The following PDIA4 variants were observed in gnomAD, a reference collection of about 807,000 sequenced individuals.
PDIA4 encodes protein disulfide isomerase family A member 4, also known as protein disulfide-isomerase A4.
Under a neutral mutation model 62.1 loss-of-function variants are expected in PDIA4, and 33 were observed. The observed-to-expected ratio is 0.53, with a 90% CI of 0.40 to 0.71. The LOEUF is 0.71. PDIA4 is among the 30% of genes least tolerant of loss of function. The probability of loss-of-function intolerance (pLI) is 0.00; values close to 1 mark genes in which losing one functional copy is unlikely to be tolerated. For missense variants in PDIA4, 804 were observed against 813.6 expected (o/e 0.99, Z 0.14); for synonymous variants, 341 against 324.1 (o/e 1.05, Z -0.56).
chr7:149,012,571 TG>T (rs1823986019), intron 4 of PDIA4, among the ~76,000 whole-genome samples: 1 of 151,992 alleles, frequency 6.6e-6, no homozygotes, highest in South Asian at 2.1e-4. Context: ...ATTCACACAC[TG>T]GGGGTGGAGC....
At chr7:149,013,870 G>C (rs922949213) in intron 4 of PDIA4, among the ~76,000 whole-genome samples, 1 of 152,072 alleles carries the variant, frequency 6.6e-6, no homozygotes, top group Non-Finnish European at 1.5e-5. Flanking sequence ...GCTCCTGAGC[G>C]AGCCACAAAG....
intron 6 of PDIA4, among the ~76,000 whole-genome samples, chr7:149,010,906 C>T (rs1410927338): frequency 1.3e-5 from 2 of 152,226 alleles, no homozygotes; most frequent in African/African-American, 4.8e-5. Context: ...TGCAGTCAGA[C>T]TTGGGGCTAC....
chr7:149,021,072 T>A lies in PDIA4; in HGVS notation c.164A>T (p.Asp55Val). Reference protein sequence around the residue: ...EEEDDDEEEDDLEVKEENGVL... With the variant: ...EEEDDDEEEDVLEVKEENGVL... Reference sequence around the variant, plus strand: ...TCCATTTTCTTCCTTAACTTCCAAGTCGTCTTCTTCCTCATCATCATCTTC... The same window carrying A: ...TCCATTTTCTTCCTTAACTTCCAAGACGTCTTCTTCCTCATCATCATCTTC... The change falls in exon 2 of 10, where the codon GAC becomes GTC. Residue 55 changes from aspartate to valine, a missense_variant. Physicochemically the swap from Asp to Val is radical, Grantham distance 152. Transcript: ENST00000652332. 1 of 1,613,838 alleles carries A rather than the reference T, an allele frequency of 6.2e-7. No individual in the cohort carries two copies. The highest frequency in any genetic ancestry group is 2.2e-5 in the East Asian group (1 of 44,882).
chr7:149,008,129 A>C (rs2306172), intron 7 of PDIA4, 30 bp downstream of exon 7: 6 of 1,606,382 alleles, frequency 3.7e-6, no homozygotes, highest in Non-Finnish European at 5.1e-6. Flanking sequence ...CGGGGTGTCC[A>C]GGGCTGGCAT....
intron 1 of PDIA4, among the ~76,000 whole-genome samples, chr7:149,022,745 C>T (rs1360981889): frequency 6.6e-6 from 1 of 152,146 alleles, no homozygotes; most frequent in East Asian, 1.9e-4. Context: ...CCTGCACCCA[C>T]CCCACATGGC....
intron 4 of PDIA4, among the ~76,000 whole-genome samples, chr7:149,012,867 C>T (rs774605568): frequency 3.9e-5 from 6 of 152,160 alleles, no homozygotes; most frequent in Non-Finnish European, 5.9e-5. Context: ...AACAGAAGAG[C>T]GTCACAAACC....
intron 6 of PDIA4, among the ~76,000 whole-genome samples, chr7:149,009,115 G>GA (rs1462670031): frequency 6.6e-6 from 1 of 152,112 alleles, no homozygotes; most frequent in Admixed American, 6.5e-5. Context: ...AATTTTAGTA[G>GA]AGACAGGGTT....
intron 1 of PDIA4, 135 bp downstream of exon 1, chr7:149,028,186 C>T: frequency 3.1e-6 from 2 of 640,190 alleles, no homozygotes; most frequent in Non-Finnish European, 5.3e-6. Flanking sequence ...AAGTTTACCC[C>T]GGGCTCGGCG....
At chr7:149,016,774 G>A (rs1016405576) in intron 3 of PDIA4, among the ~76,000 whole-genome samples, 10 of 152,328 alleles carry the variant, frequency 6.6e-5, no homozygotes, top group Admixed American at 4.6e-4. Context: ...GCCTCCCAAA[G>A]TGCTGGGATT....
At position 149,019,550 on chromosome 7, in the gene PDIA4, T is replaced by C. The variant is rs113651200; in HGVS notation, c.270-353A>G. 4.1e-3 allele frequency among the ~76,000 whole-genome samples: 622 copies of C among 152,288 alleles called. 2 individuals are homozygous for C. Among genetic ancestry groups the C allele is most frequent in the Non-Finnish European group, 7.2e-3 (488 of 68,022 alleles). The stretch of plus-strand genomic sequence containing the variant: ...GCCTGGGCAGTATGGCGAAACTCCA[T>C]CTTTACAAAAAATACTTTGGGAGGC... On this transcript the variant is annotated intron_variant, in intron 2 of 9. Transcript: ENST00000652332.
intron 1 of PDIA4, among the ~76,000 whole-genome samples, chr7:149,023,728 A>C (rs572680726): frequency 4.5e-4 from 69 of 152,330 alleles, no homozygotes; most frequent in African/African-American, 1.7e-3. Context: ...GGTGCACAGC[A>C]TAAGACTGAC....
chr7:149,027,986 C>G (rs1335559461), intron 1 of PDIA4: 1 of 535,852 alleles, frequency 1.9e-6, no homozygotes, highest in Non-Finnish European at 3.7e-6. Context: ...CTGGACCTGA[C>G]GAAAATCTGT....
chr7:149,019,252 A>C, intron 2 of PDIA4, 55 bp from the exon 3 acceptor site: 1 of 1,238,232 alleles, frequency 8.1e-7, no homozygotes, highest in South Asian at 1.2e-5. Context: ...TGGGATTTAA[A>C]TCCAACAATA....
chr7:149,005,092 G>T, intron 9 of PDIA4, 49 bp downstream of exon 9: 2 of 1,453,488 alleles, frequency 1.4e-6, no homozygotes, highest in Non-Finnish European at 1.9e-6. Flanking sequence ...GATTCCGCAC[G>T]AGGAGCACAG....
intron 1 of PDIA4, among the ~76,000 whole-genome samples, chr7:149,021,727 C>A (rs1354480996): frequency 1.3e-5 from 2 of 152,110 alleles, no homozygotes; most frequent in Non-Finnish European, 2.9e-5. Context: ...AGTTGGAGGG[C>A]AGCACAGACT....
rs1053535774 is a variant in PDIA4 at position 149,028,467 on chromosome 7, T to A, written c.-59A>T. On this transcript the variant is annotated 5_prime_UTR_variant, in exon 1 of 10. Transcript: ENST00000652332. ...GGCGGCCGCTGAGCGCACCGAGAAC[T>A]CGGGGTCTGGCCGACAGCCCGTCGC... 239 of 1,225,452 alleles carry A rather than the reference T, an allele frequency of 2.0e-4. No individual in the cohort carries two copies. Among genetic ancestry groups the A allele is most frequent in the Non-Finnish European group, 2.6e-4 (234 of 914,088 alleles). 75.9% of individuals were successfully genotyped at this position (1,225,452 alleles called of 1,614,324 possible). A position where few individuals can be genotyped will look rare whatever the true frequency, so the allele number is the denominator to read the frequency against.
chr7:149,025,266 C>A (rs1374900797), intron 1 of PDIA4, among the ~76,000 whole-genome samples: 4 of 151,962 alleles, frequency 2.6e-5, no homozygotes. Flanking sequence ...CAATCCCTGT[C>A]CACTCCCACG....
rs921120013 is a variant in PDIA4, at chr7:149,027,716, G to A, written c.88+605C>T. On this transcript the variant is annotated intron_variant, in intron 1 of 9. Coordinates refer to ENST00000652332, the MANE Select transcript of PDIA4 (RefSeq NM_004911.5). ...CCACACTCACAATCTTTTCCTCCCA[G>A]AACCCAGTACAGGGACTGGCACACA... 3.0e-5 allele frequency: 11 copies of A among 372,422 alleles called. No individual in the cohort carries two copies. In the Admixed American group the frequency reaches 3.3e-4, roughly 11 times the overall value. The allele number at this position is 372,422 out of a possible 1,614,324, so 23.1% of individuals were successfully genotyped here.
chr7:149,028,172 C>A, intron 1 of PDIA4, 149 bp downstream of exon 1: 1 of 620,450 alleles, frequency 1.6e-6, no homozygotes, highest in Non-Finnish European at 2.8e-6. Context: ...CCTTCAACTC[C>A]GCCAAGTTTA....
Sources: allele counts gnomAD v4.1 joint callset (sites outside exome capture counted in the v4.1 genomes callset), GRCh38; gene constraint gnomAD v4.1.1; transcripts MANE v1.5; gene names NCBI Gene and HGNC (gene_info 2026-07-23, HGNC 2026-07-21).